EEA1: variants seen among roughly 807,000 people sequenced by gnomAD.
The protein encoded by EEA1 is early endosome antigen 1, also known as early endosome antigen 1, 162kD.
A neutral mutation model predicts 209.2 loss-of-function variants in EEA1; 111 were observed. That is an observed-to-expected ratio of 0.53 (90% CI 0.45 to 0.62). The LOEUF (loss-of-function observed/expected upper bound fraction) is 0.62, where lower values mean the gene tolerates loss of function less well. EEA1 is among the 20% of genes least tolerant of loss of function. The pLI, the probability that EEA1 is intolerant of heterozygous loss-of-function variation, is 0.00. For missense variants in EEA1, 1,343 were observed against 1,530.8 expected, an observed-to-expected ratio of 0.88 and a Z score of 2.05; for synonymous variants, 536 against 540.6, an observed-to-expected ratio of 0.99 and a Z score of 0.12.
At chr12:92,817,164 T>C (rs1290087228) in intron 14 of EEA1, among the ~76,000 whole-genome samples, 1 of 151,212 alleles carries the variant, frequency 6.6e-6, no homozygotes, top group East Asian at 1.9e-4. Flanking sequence ...CATAATACTA[T>C]CCCATGGGTC....
intron 1 of EEA1, among the ~76,000 whole-genome samples, chr12:92,903,276 G>T (rs1421036434): frequency 6.6e-6 from 1 of 151,370 alleles, no homozygotes; most frequent in Non-Finnish European, 1.5e-5. Context: ...AAGTGTGTAG[G>T]TTATAAAAGC....
intron 2 of EEA1, among the ~76,000 whole-genome samples, chr12:92,883,093 TA>T (rs1158419742): frequency 1.3e-5 from 2 of 152,230 alleles, no homozygotes; most frequent in Non-Finnish European, 2.9e-5. Context: ...TTTAATATTT[TA>T]ATAACAGCCA....
intron 15 of EEA1, among the ~76,000 whole-genome samples, chr12:92,813,718 G>A (rs776220007): frequency 1.1e-4 from 16 of 151,978 alleles, no homozygotes; most frequent in African/African-American, 2.4e-4. Context: ...CCTCGAATAC[G>A]AAAAGCAAAA....
chr12:92,881,600 G>A lies in EEA1; in HGVS notation c.117+10029C>T, dbSNP rs557536273. Reference sequence around the variant, plus strand: ...AGCAAGAGTCGACTGGACTAAATGCGTCTAAGAAGTAAAGTAAGATGAGGA... The same window carrying A: ...AGCAAGAGTCGACTGGACTAAATGCATCTAAGAAGTAAAGTAAGATGAGGA... On this transcript the variant is annotated intron_variant, in intron 2 of 28. Coordinates refer to ENST00000322349, the MANE Select transcript of EEA1 (RefSeq NM_003566.4). Among the ~76,000 whole-genome samples, 4 of 152,214 alleles carry A rather than the reference G, an allele frequency of 2.6e-5. No homozygotes were observed. In the South Asian group the frequency reaches 6.2e-4, roughly 24 times the overall value.
chr12:92,802,664 T>C lies in EEA1; in HGVS notation c.2410A>G (p.Lys804Glu). The change falls in exon 19 of 29, where the codon AAG becomes GAG. Residue 804 changes from lysine to glutamate, a missense_variant. Transcript: ENST00000322349. ...AGGATTTTTTTTTCTTCCTCTTGCT[T>C]GGTAAGCTTTTGCTTGATACTTTCA... ...ALESIKQKLTKQEEEKKILKQ... is the reference protein window; with the variant it reads ...ALESIKQKLTEQEEEKKILKQ... 1 of 1,606,844 alleles carries C rather than the reference T, an allele frequency of 6.2e-7. No individual in the cohort carries two copies. The highest frequency in any genetic ancestry group is 8.5e-7 in the Non-Finnish European group (1 of 1,178,142).
intron 1 of EEA1, among the ~76,000 whole-genome samples, chr12:92,901,279 T>G (rs1880130452): frequency 6.6e-6 from 1 of 152,026 alleles, no homozygotes; most frequent in Non-Finnish European, 1.5e-5. Context: ...CTCAAACCTA[T>G]GGGCTCCAGT....
rs1873534533 is a variant in EEA1, at chr12:92,773,904, C to G, written c.*2107G>C. 1 of 150,012 alleles carries G rather than the reference C, an allele frequency of 6.7e-6. No individual in the cohort carries two copies. Among genetic ancestry groups the G allele is most frequent in the African/African-American group, 2.4e-5 (1 of 40,830 alleles). The allele number at this position is 150,012 out of a possible 1,614,324, so 9.3% of individuals were successfully genotyped here. ...AAAAATGAGAAAATCATTCAAACAC[C>G]TATATATGGTTACTTGTTGTCTTAA... On this transcript the variant is annotated 3_prime_UTR_variant, in exon 29 of 29. Coordinates refer to ENST00000322349, the MANE Select transcript of EEA1 (RefSeq NM_003566.4).
At chr12:92,815,836 G>C (rs1363759595) in intron 15 of EEA1, among the ~76,000 whole-genome samples, 2 of 151,996 alleles carry the variant, frequency 1.3e-5, no homozygotes, top group Admixed American at 6.6e-5. Context: ...AACAATCATG[G>C]CATGATCAAA....
At chr12:92,898,255 C>CTGTA (rs1207835323) in intron 1 of EEA1, among the ~76,000 whole-genome samples, 1 of 152,042 alleles carries the variant, frequency 6.6e-6, no homozygotes, top group Non-Finnish European at 1.5e-5. Flanking sequence ...CCTAGCATGC[C>CTGTA]ATGACAAAGG....
intron 1 of EEA1, among the ~76,000 whole-genome samples, chr12:92,908,882 G>A (rs1408842725): frequency 6.6e-6 from 1 of 152,088 alleles, no homozygotes; most frequent in Non-Finnish European, 1.5e-5. Flanking sequence ...GGAGTGCAGT[G>A]GTACAATCTC....
intron 3 of EEA1, chr12:92,857,957 C>T: frequency 4.1e-6 from 1 of 242,772 alleles, no homozygotes; most frequent in Non-Finnish European, 7.9e-6. Flanking sequence ...TCTGCACCAC[C>T]ATTGGTTACG....
chr12:92,792,099 G>A (rs2093098021), intron 21 of EEA1, among the ~76,000 whole-genome samples: 1 of 152,154 alleles, frequency 6.6e-6, no homozygotes, highest in South Asian at 2.1e-4. Flanking sequence ...CAACATACCA[G>A]AATCTCTGGG....
intron 20 of EEA1, among the ~76,000 whole-genome samples, chr12:92,800,986 T>A (rs1161625774): frequency 6.6e-6 from 1 of 152,226 alleles, no homozygotes; most frequent in Non-Finnish European, 1.5e-5. Context: ...AATCAGATTT[T>A]CTAGAAAGTT....
At chr12:92,798,757 T>A (rs1160226077) in intron 21 of EEA1, 135 bp downstream of exon 21, 1 of 533,692 alleles carries the variant, frequency 1.9e-6, no homozygotes, top group African/African-American at 2.0e-5. Context: ...AATGCTTTCA[T>A]ATATTAAACT....
At chr12:92,884,563 A>G in intron 2 of EEA1, 1 of 1,488,174 alleles carries the variant, frequency 6.7e-7, no homozygotes, top group Non-Finnish European at 9.2e-7. Context: ...CAAATTTTGG[A>G]CCCATGAAGG....
At chr12:92,803,605 TG>T (rs146902948) in intron 18 of EEA1, among the ~76,000 whole-genome samples, 2,831 of 152,216 alleles carry the variant, frequency 0.019, 95 homozygotes, top group African/African-American at 0.063. Flanking sequence ...TGTTAAAAGA[TG>T]TACTAATAAA....
intron 10 of EEA1, among the ~76,000 whole-genome samples, chr12:92,839,905 A>G (rs1215342319): frequency 6.6e-6 from 1 of 152,064 alleles, no homozygotes; most frequent in Non-Finnish European, 1.5e-5. Context: ...CTATTATATC[A>G]TATAGTTTTT....
intron 1 of EEA1, among the ~76,000 whole-genome samples, chr12:92,904,707 C>T (rs1565858776): frequency 6.6e-6 from 1 of 152,170 alleles, no homozygotes; most frequent in African/African-American, 2.4e-5. Context: ...AAACATTTTA[C>T]TTATGTTTAC....
At chr12:92,898,731 CTTTTTTTTTTTTTTT>C (rs772593153) in intron 1 of EEA1, among the ~76,000 whole-genome samples, 1 of 76,110 alleles carries the variant, frequency 1.3e-5, no homozygotes, top group Admixed American at 1.6e-4. Flanking sequence ...CTTTTTTTCC[CTTTTTTTTTTTTTTT>C]TTTTTTTTTT....
Sources: gnomAD v4.1 joint callset for allele counts (sites outside exome capture counted in the v4.1 genomes callset) on GRCh38, gnomAD v4.1.1 for gene constraint, MANE v1.5 for transcripts, NCBI Gene and HGNC (gene_info 2026-07-23, HGNC 2026-07-21) for gene names.